GPC6: variants seen among roughly 807,000 people sequenced by gnomAD.
GPC6 encodes the protein glypican 6, also known as glypican-6.
A neutral mutation model predicts 55.2 loss-of-function variants in GPC6; 14 were observed. That is an observed-to-expected ratio of 0.25 (90% confidence interval 0.17 to 0.40). The LOEUF (loss-of-function observed/expected upper bound fraction) is 0.40, where lower values mean the gene tolerates loss of function less well. Ranked by LOEUF, GPC6 falls within the 10% of genes least tolerant of loss-of-function variation. GPC6 has a pLI of 1.00. For missense variants in GPC6, 641 were observed against 708.5 expected (o/e 0.90, Z 1.08); for synonymous variants, 278 against 259.6 (o/e 1.07, Z -0.68).
At chr13:93,615,123 C>G (rs960491451) in intron 2 of GPC6, among the ~76,000 whole-genome samples, 1 of 152,054 alleles carries the variant, frequency 6.6e-6, no homozygotes, top group African/African-American at 2.4e-5. Context: ...CAAAAGTTTA[C>G]TTTCTAAGAA....
intron 1 of GPC6, among the ~76,000 whole-genome samples, chr13:93,492,882 A>G (rs1177071915): frequency 2.7e-5 from 4 of 146,480 alleles, no homozygotes; most frequent in Non-Finnish European, 6.0e-5. Flanking sequence ...CCACTTGATC[A>G]TGGTGGATAA....
chr13:93,348,209 C>A (rs1880494781), intron 1 of GPC6, among the ~76,000 whole-genome samples: 1 of 152,132 alleles, frequency 6.6e-6, no homozygotes, highest in South Asian at 2.1e-4. Context: ...AATTGGGCAA[C>A]ATGACTAGTA....
chr13:93,270,320 G>C (rs1877475489), intron 1 of GPC6, among the ~76,000 whole-genome samples: 1 of 149,996 alleles, frequency 6.7e-6, no homozygotes. Flanking sequence ...AACATGGTAT[G>C]TTTCTCACTT....
At chr13:94,363,364 A>G (rs993314810) in intron 6 of GPC6, among the ~76,000 whole-genome samples, 1 of 152,200 alleles carries the variant, frequency 6.6e-6, no homozygotes, top group African/African-American at 2.4e-5. Flanking sequence ...AATTCTAGAC[A>G]TAGGCTGGAT....
intron 1 of GPC6, among the ~76,000 whole-genome samples, chr13:93,463,666 T>A (rs902132564): frequency 6.6e-6 from 1 of 152,208 alleles, no homozygotes; most frequent in Non-Finnish European, 1.5e-5. Flanking sequence ...AGGACCTGAA[T>A]GACAACTTCC....
intron 1 of GPC6, among the ~76,000 whole-genome samples, chr13:93,251,541 T>A (rs1400432283): frequency 6.6e-6 from 1 of 152,240 alleles, no homozygotes; most frequent in Non-Finnish European, 1.5e-5. Context: ...TCTTTGGGAT[T>A]CCTTGCAGAT....
chr13:93,767,726 C>G (rs753338096), intron 2 of GPC6, among the ~76,000 whole-genome samples: 1 of 152,170 alleles, frequency 6.6e-6, no homozygotes, highest in Non-Finnish European at 1.5e-5. Context: ...GGCCTGATTA[C>G]TAACCACCAT....
chr13:94,354,612 A>G (rs1279786948), intron 6 of GPC6, among the ~76,000 whole-genome samples: 1 of 152,362 alleles, frequency 6.6e-6, no homozygotes, highest in South Asian at 2.1e-4. Context: ...CATCATGAGC[A>G]TGCCCTCAGC....
intron 1 of GPC6, among the ~76,000 whole-genome samples, chr13:93,287,577 AGAG>A (rs1878178351): frequency 6.6e-6 from 1 of 152,238 alleles, no homozygotes; most frequent in Non-Finnish European, 1.5e-5. Context: ...AAGATATGAG[AGAG>A]GAGATGTGCA....
At chr13:93,434,683 AC>A (rs1316079277) in intron 1 of GPC6, among the ~76,000 whole-genome samples, 1 of 152,108 alleles carries the variant, frequency 6.6e-6, no homozygotes, top group Non-Finnish European at 1.5e-5. Context: ...TGTAGATAAC[AC>A]AGTTTATCCC....
At chr13:94,252,089 G>A (rs1163349218) in intron 4 of GPC6, among the ~76,000 whole-genome samples, 2 of 152,128 alleles carry the variant, frequency 1.3e-5, no homozygotes, top group Non-Finnish European at 2.9e-5. Flanking sequence ...TGAGACTGCT[G>A]TAATGCTCCT....
At chr13:93,393,893 A>G (rs867130290) in intron 1 of GPC6, among the ~76,000 whole-genome samples, 33 of 151,522 alleles carry the variant, frequency 2.2e-4, no homozygotes, top group African/African-American at 6.8e-4. Flanking sequence ...TTCCTTCCTC[A>G]CTTTTTATAT....
chr13:94,242,151 G>A (rs966171493), intron 4 of GPC6, among the ~76,000 whole-genome samples: 3 of 151,516 alleles, frequency 2.0e-5, no homozygotes, highest in Admixed American at 6.6e-5. Flanking sequence ...CCCCACCTAT[G>A]AGTGAGAACA....
intron 2 of GPC6, among the ~76,000 whole-genome samples, chr13:93,630,349 G>A (rs1879377476): frequency 6.6e-6 from 1 of 152,090 alleles, no homozygotes; most frequent in African/African-American, 2.4e-5. Flanking sequence ...CAACTTCTAC[G>A]GACACTTCTG....
At chr13:93,601,983 G>A (rs1307034472) in intron 2 of GPC6, among the ~76,000 whole-genome samples, 1 of 152,060 alleles carries the variant, frequency 6.6e-6, no homozygotes, top group African/African-American at 2.4e-5. Context: ...GTTCCTTTTT[G>A]CTTTAAATCC....
chr13:94,376,571 C>G (rs1156867293), intron 6 of GPC6, among the ~76,000 whole-genome samples: 4 of 150,334 alleles, frequency 2.7e-5, no homozygotes, highest in Non-Finnish European at 6.0e-5. Flanking sequence ...AATGGAAGAA[C>G]ATTCCATGCT....
intron 4 of GPC6, among the ~76,000 whole-genome samples, chr13:94,049,059 T>C (rs1422377780): frequency 6.6e-6 from 1 of 152,028 alleles, no homozygotes; most frequent in Non-Finnish European, 1.5e-5. Context: ...GAGACCAGCC[T>C]GGTCAACATA....
At chr13:93,886,407 G>T (rs533828173) in intron 3 of GPC6, among the ~76,000 whole-genome samples, 23 of 152,086 alleles carry the variant, frequency 1.5e-4, no homozygotes, top group African/African-American at 5.5e-4. Context: ...GCTGTCCCCA[G>T]TGCAGATTCT....
intron 3 of GPC6, among the ~76,000 whole-genome samples, chr13:93,946,874 C>T (rs772348732): frequency 2.0e-5 from 3 of 152,118 alleles, no homozygotes; most frequent in Non-Finnish European, 4.4e-5. Flanking sequence ...TCTAGCACTT[C>T]TAAGTGTTTT....
Sources: allele counts gnomAD v4.1 joint callset (sites outside exome capture counted in the v4.1 genomes callset), GRCh38; gene constraint gnomAD v4.1.1; transcripts MANE v1.5; gene names NCBI Gene and HGNC (gene_info 2026-07-23, HGNC 2026-07-21).